Variants in GIGYF2 observed in about 807,000 individuals in gnomAD.
GIGYF2 encodes GRB10 interacting GYF protein 2.
GIGYF2 carries 25 observed loss-of-function variants against 208.1 expected under a neutral mutation model. The observed-to-expected ratio is 0.12, with a 90% CI of 0.09 to 0.17. The LOEUF (loss-of-function observed/expected upper bound fraction) is 0.17, where lower values mean the gene tolerates loss of function less well. Among genes scored for constraint, GIGYF2 ranks in the 10% least tolerant of loss-of-function variants. GIGYF2 has a pLI of 1.00. For synonymous variants in GIGYF2, 534 were observed against 543.8 expected, an observed-to-expected ratio of 0.98 and a Z score of 0.25; for missense variants, 1,302 against 1,579.4, an observed-to-expected ratio of 0.82 and a Z score of 2.98.
intron 14 of GIGYF2, among the ~76,000 whole-genome samples, chr2:232,803,638 G>T (rs1386857840): frequency 2.0e-5 from 3 of 151,136 alleles, no homozygotes; most frequent in African/African-American, 7.3e-5. Context: ...ATTTGTGTGG[G>T]TCTATTTCTT....
At chr2:232,749,532 A>C (rs1698264212) in intron 5 of GIGYF2, among the ~76,000 whole-genome samples, 1 of 151,880 alleles carries the variant, frequency 6.6e-6, no homozygotes, top group African/African-American at 2.4e-5. Flanking sequence ...TGTGAGAGAG[A>C]GAGTGATGTG....
At chr2:232,841,153 A>G (rs1260421800) in intron 23 of GIGYF2, among the ~76,000 whole-genome samples, 1 of 152,166 alleles carries the variant, frequency 6.6e-6, no homozygotes, top group East Asian at 1.9e-4. Context: ...AGAACAGAGT[A>G]TGTCTCTCCC....
Position 232,833,069 on chromosome 2 carries a change from GCAA to G in GIGYF2, c.2748_2750del (p.Gln917del), listed in dbSNP as rs747371446. ...TCCGGAGGTTGCAGCAGCAGCAGCAGCAACAACAGCTGGCGCAGATGAAGGTAA... is the reference window on the plus strand; with the variant it reads ...TCCGGAGGTTGCAGCAGCAGCAGCAGCAACAGCTGGCGCAGATGAAGGTAA... On this transcript the variant is annotated inframe_deletion, in exon 22 of 29. Transcript: ENST00000373563. 2 of 1,549,386 alleles carry G rather than the reference GCAA, an allele frequency of 1.3e-6. No homozygotes were observed. Among genetic ancestry groups the G allele is most frequent in the South Asian group, 1.2e-5 (1 of 84,068 alleles).
chr2:232,786,953 A>T (rs1468664341), intron 8 of GIGYF2, among the ~76,000 whole-genome samples, 197 bp from the exon 9 acceptor site: 1 of 152,204 alleles, frequency 6.6e-6, no homozygotes, highest in Admixed American at 6.5e-5. Flanking sequence ...GTTTAAAAAA[A>T]TTGCCCAGTC....
Position 232,860,511 on chromosome 2 carries a change from A to T in GIGYF2, c.*3651A>T, listed in dbSNP as rs1362477991. ...CCCTACTTTAAAATTGACTGATAAC[A>T]AAATTGGTAATTTTGTATAAAATGC... is the stretch of plus-strand genomic sequence containing the variant. On this transcript the variant is annotated 3_prime_UTR_variant, in exon 29 of 29. Transcript: ENST00000373563. 1 of 151,740 alleles carries T rather than the reference A, an allele frequency of 6.6e-6. No homozygotes were observed. Among genetic ancestry groups the T allele is most frequent in the Non-Finnish European group, 1.5e-5 (1 of 67,978 alleles). The allele number at this position is 151,740 out of a possible 1,614,324, so 9.4% of individuals were successfully genotyped here.
chr2:232,815,515 A>G, intron 18 of GIGYF2, 122 bp from the exon 19 acceptor site: 1 of 713,770 alleles, frequency 1.4e-6, no homozygotes, highest in Non-Finnish European at 2.6e-6. Flanking sequence ...CAGAGGCAAA[A>G]CAGATGTGTT....
At chr2:232,835,533 C>T (rs986443731) in intron 22 of GIGYF2, among the ~76,000 whole-genome samples, 1 of 152,078 alleles carries the variant, frequency 6.6e-6, no homozygotes, top group African/African-American at 2.4e-5. Flanking sequence ...TTGCATGTAT[C>T]GTAATTTTTT....
Position 232,839,845 on chromosome 2 carries a change from T to C in GIGYF2, c.2767-4T>C. 1 of 1,614,108 alleles carries C rather than the reference T, an allele frequency of 6.2e-7. No homozygotes were observed. The highest frequency in any genetic ancestry group is 8.5e-7 in the Non-Finnish European group (1 of 1,179,944). ...GAACTTTCTGGCCTTCCCTTTTTTG[T>C]TAGCTTCCTTCTTCTTCAACGTGGG... is the stretch of plus-strand genomic sequence containing the variant. On this transcript the variant is annotated splice_polypyrimidine_tract_variant and splice_region_variant and intron_variant, in intron 22 of 28. Coordinates refer to ENST00000373563, the MANE Select transcript of GIGYF2 (RefSeq NM_001103146.3).
At chr2:232,818,793 G>C (rs1700988669) in intron 20 of GIGYF2, among the ~76,000 whole-genome samples, 1 of 151,946 alleles carries the variant, frequency 6.6e-6, no homozygotes, top group South Asian at 2.1e-4. Context: ...TTTGCTAGCT[G>C]TATTAAATTT....
At chr2:232,790,561 A>G (rs567017258) in intron 9 of GIGYF2, 137 bp from the exon 10 acceptor site, 5 of 772,264 alleles carry the variant, frequency 6.5e-6, no homozygotes, top group East Asian at 2.4e-5. Flanking sequence ...TTAGTTGCCT[A>G]ATGTTCTCTT....
At chr2:232,811,163 T>C (rs1411309839) in intron 16 of GIGYF2, 81 bp from the exon 17 acceptor site, 1 of 771,274 alleles carries the variant, frequency 1.3e-6, no homozygotes, top group Non-Finnish European at 2.3e-6. Flanking sequence ...GGGCTTTGAA[T>C]TGAACTTTGT....
chr2:232,833,356 G>A (rs1701483757), intron 22 of GIGYF2, among the ~76,000 whole-genome samples: 1 of 152,092 alleles, frequency 6.6e-6, no homozygotes, highest in South Asian at 2.1e-4. Context: ...CAGTAGCTGA[G>A]ACTACAGGCA....
chr2:232,858,501 A>C lies in GIGYF2; in HGVS notation c.*1641A>C, dbSNP rs1430891193. On this transcript the variant is annotated 3_prime_UTR_variant, in exon 29 of 29. Transcript: ENST00000373563. ...GGGCTCCTACTCTCCTTTGCTTTGT[A>C]AATTCAAAAGTTGGGGGTGGGTAAG... 1 of 456,490 alleles carries C rather than the reference A, an allele frequency of 2.2e-6. No homozygotes were observed. Among genetic ancestry groups the C allele is most frequent in the Non-Finnish European group, 4.4e-6 (1 of 226,796 alleles). The allele number at this position is 456,490 out of a possible 1,614,324, so 28.3% of individuals were successfully genotyped here.
chr2:232,706,747 T>G (rs183480751), intron 2 of GIGYF2, among the ~76,000 whole-genome samples: 3 of 152,012 alleles, frequency 2.0e-5, no homozygotes, highest in Middle Eastern at 3.4e-3. Context: ...GCCACTGCAC[T>G]CCAGCCTGAG....
intron 21 of GIGYF2, among the ~76,000 whole-genome samples, chr2:232,820,251 A>G (rs1389705958): frequency 7.2e-5 from 11 of 152,004 alleles, no homozygotes; most frequent in African/African-American, 2.7e-4. Context: ...GGTCTTTTTT[A>G]AAGCAAGTTT....
At chr2:232,773,192 C>A (rs1163861059) in intron 8 of GIGYF2, among the ~76,000 whole-genome samples, 1 of 152,130 alleles carries the variant, frequency 6.6e-6, no homozygotes, top group Non-Finnish European at 1.5e-5. Flanking sequence ...CTTGGCATAG[C>A]TACTTAATGA....
chr2:232,834,104 T>C (rs542848898), intron 22 of GIGYF2, among the ~76,000 whole-genome samples: 4 of 152,090 alleles, frequency 2.6e-5, no homozygotes, highest in East Asian at 3.9e-4. Flanking sequence ...GTTGATGGAA[T>C]TGGAGTAATT....
At chr2:232,728,020 T>C (rs2106284082) in intron 2 of GIGYF2, among the ~76,000 whole-genome samples, 1 of 152,340 alleles carries the variant, frequency 6.6e-6, no homozygotes, top group African/African-American at 2.4e-5. Flanking sequence ...GTGTTTTAGA[T>C]TTTCCCTTCC....
intron 28 of GIGYF2, among the ~76,000 whole-genome samples, chr2:232,855,090 T>C (rs1690506938): frequency 9.8e-6 from 1 of 101,902 alleles, no homozygotes; most frequent in Admixed American, 9.9e-5. Context: ...CTTTTTTTTT[T>C]TTTTTTTTTT....
Sources: gnomAD v4.1 joint callset for allele counts (sites outside exome capture counted in the v4.1 genomes callset) on GRCh38, gnomAD v4.1.1 for gene constraint, MANE v1.5 for transcripts, NCBI Gene and HGNC (gene_info 2026-07-23, HGNC 2026-07-21) for gene names.